The following NEDD4L variants were observed in gnomAD, a reference collection of about 807,000 sequenced individuals.
NEDD4L encodes the protein E3 ubiquitin-protein ligase NEDD4-like.
NEDD4L carries 54 observed loss-of-function variants against 148.9 expected under a neutral mutation model. That is an observed-to-expected ratio of 0.36 (90% CI 0.29 to 0.45). The LOEUF (loss-of-function observed/expected upper bound fraction) is 0.45, where lower values mean the gene tolerates loss of function less well. Among genes scored for constraint, NEDD4L ranks in the 20% least tolerant of loss-of-function variants. The probability of loss-of-function intolerance (pLI) is 1.00; values close to 1 mark genes in which losing one functional copy is unlikely to be tolerated. For synonymous variants in NEDD4L, 433 were observed against 440.7 expected (o/e 0.98, Z 0.22); for missense variants, 856 against 1,233.8 (o/e 0.69, Z 4.59).
intron 1 of NEDD4L, chr18:58,044,993 G>T (rs890734907): frequency 7.0e-6 from 3 of 427,816 alleles, no homozygotes; most frequent in Non-Finnish European, 8.3e-6. Context: ...GAGGGGGCAT[G>T]CGTGCCTCTC....
At chr18:58,045,121 C>A (rs963476812) in intron 1 of NEDD4L, 5 of 399,000 alleles carry the variant, frequency 1.3e-5, no homozygotes, top group Admixed American at 4.4e-5. Context: ...GCTGGAGACC[C>A]GGGACTGCGG....
intron 25 of NEDD4L, 41 bp downstream of exon 25, chr18:58,383,360 GA>G (rs1310731436): frequency 9.1e-7 from 1 of 1,103,450 alleles, no homozygotes. Context: ...TTGAATAATT[GA>G]AATGCATGTT....
At chr18:58,247,038 C>CA (rs1203340151) in intron 3 of NEDD4L, among the ~76,000 whole-genome samples, 5 of 151,498 alleles carry the variant, frequency 3.3e-5, no homozygotes, top group Middle Eastern at 3.4e-3. Flanking sequence ...GAACCTGTCT[C>CA]AAAAAAAACC....
intron 2 of NEDD4L, among the ~76,000 whole-genome samples, chr18:58,198,032 A>T (rs1466519798): frequency 6.6e-6 from 1 of 151,998 alleles, no homozygotes; most frequent in Admixed American, 6.6e-5. Context: ...TTCTGCTCAG[A>T]CACCCCTTGG....
chr18:58,393,870 G>A (rs1034107199), intron 30 of NEDD4L, among the ~76,000 whole-genome samples: 5 of 152,208 alleles, frequency 3.3e-5, no homozygotes, highest in African/African-American at 1.2e-4. Context: ...CTTTCATTAA[G>A]CTTTCCAATG....
chr18:58,062,539 A>G (rs2144715818), intron 1 of NEDD4L, among the ~76,000 whole-genome samples: 1 of 152,262 alleles, frequency 6.6e-6, no homozygotes, highest in East Asian at 1.9e-4. Context: ...AGAGCTTAAA[A>G]CTTAGCTGTT....
Position 58,256,187 on chromosome 18 carries a change from G to A in NEDD4L, c.297+4133G>A, listed in dbSNP as rs2148574452. 1 of 1,217,562 alleles carries A rather than the reference G, an allele frequency of 8.2e-7. No individual in the cohort carries two copies. Among genetic ancestry groups the A allele is most frequent in the East Asian group, 3.3e-5 (1 of 30,018 alleles). The allele number at this position is 1,217,562 out of a possible 1,614,324, so 75.4% of individuals were successfully genotyped here. On this transcript the variant is annotated intron_variant, in intron 5 of 30. Coordinates refer to ENST00000400345, the MANE Select transcript of NEDD4L (RefSeq NM_001144967.3). The surrounding 1 kb of genome is among the most constrained non-coding windows in gnomAD (Gnocchi z 5.2). ...GCGGTGCTCCGGCCCCGTGGACTGC[G>A]CGGAGGAGGCTGCCCCGGGCCTGCG...
chr18:58,310,672 C>A (rs963978328), intron 5 of NEDD4L, among the ~76,000 whole-genome samples: 2 of 152,176 alleles, frequency 1.3e-5, no homozygotes, highest in Non-Finnish European at 2.9e-5. Context: ...GCTCTGATTG[C>A]ATGATGGAAG....
In NEDD4L at chr18:58,256,072, G is replaced by C; in HGVS notation, c.297+4018G>C. On this transcript the variant is annotated intron_variant, in intron 5 of 30. Coordinates refer to ENST00000400345, the MANE Select transcript of NEDD4L (RefSeq NM_001144967.3). This position sits in a 1 kb window ranked among gnomAD's most constrained non-coding sequence, Gnocchi z 5.2. ...CCTCGCCCCAGAGTGGCTCCCGGGA[G>C]CCCTCGCCGAGGGACACCCCCGGGA... is the stretch of plus-strand genomic sequence containing the variant. 1 of 1,228,554 alleles carries C rather than the reference G, an allele frequency of 8.1e-7. No individual in the cohort carries two copies. The highest frequency in any genetic ancestry group is 1.0e-6 in the Non-Finnish European group (1 of 985,896). The allele number at this position is 1,228,554 out of a possible 1,614,324, so 76.1% of individuals were successfully genotyped here.
rs554315725 is a variant in NEDD4L, at chr18:58,115,087, G to A, written c.49-50701G>A. Among the ~76,000 whole-genome samples, 3 of 152,298 alleles carry A rather than the reference G, an allele frequency of 2.0e-5. No homozygotes were observed. The East Asian group carries it at 5.8e-4, about 29-fold the overall frequency. The stretch of plus-strand genomic sequence containing the variant: ...GGATTAGGACTCGCGCATCTTGGGG[G>A]ACCGTCATTCCACCTGCGGCAGTGG... On this transcript the variant is annotated intron_variant, in intron 1 of 30. Coordinates refer to ENST00000400345, the MANE Select transcript of NEDD4L (RefSeq NM_001144967.3).
chr18:58,294,533 A>G (rs200845860), intron 5 of NEDD4L, among the ~76,000 whole-genome samples: 1 of 151,900 alleles, frequency 6.6e-6, no homozygotes, highest in East Asian at 1.9e-4. Flanking sequence ...ACAAATAGTG[A>G]TTTTTCTTCC....
intron 1 of NEDD4L, among the ~76,000 whole-genome samples, chr18:58,165,439 T>C (rs2036727250): frequency 6.6e-6 from 1 of 152,254 alleles, no homozygotes; most frequent in Non-Finnish European, 1.5e-5. Flanking sequence ...TTATGCAAAC[T>C]TGTGGCACTT....
At chr18:58,314,378 C>G (rs1418004877) in intron 5 of NEDD4L, among the ~76,000 whole-genome samples, 1 of 149,624 alleles carries the variant, frequency 6.7e-6, no homozygotes, top group Non-Finnish European at 1.5e-5. Context: ...GATTGCACCA[C>G]TGTACTCCAG....
rs544064505 is a variant in NEDD4L, at chr18:58,202,026, G to A, written c.122+36165G>A. 4.6e-5 allele frequency among the ~76,000 whole-genome samples: 7 copies of A among 152,280 alleles called. No homozygotes were observed. The South Asian group carries it at 6.2e-4, about 14-fold the overall frequency. On this transcript the variant is annotated intron_variant, in intron 2 of 30. Transcript: ENST00000400345. ...TATGTCATTTGGTATTTTTGTCGAG[G>A]CATTCCAATAAAAATAAGTAAATTC... is the stretch of plus-strand genomic sequence containing the variant.
chr18:58,295,951 T>G (rs1294852872), intron 5 of NEDD4L, among the ~76,000 whole-genome samples: 1 of 152,158 alleles, frequency 6.6e-6, no homozygotes, highest in African/African-American at 2.4e-5. Context: ...AAACAGTATT[T>G]CATTTTTGAT....
chr18:58,318,624 G>A (rs936599785), intron 6 of NEDD4L, among the ~76,000 whole-genome samples: 1 of 152,228 alleles, frequency 6.6e-6, no homozygotes, highest in Non-Finnish European at 1.5e-5. Context: ...TTCAACTGCC[G>A]TTTTCACATT....
chr18:58,380,800 A>C (rs866314734), intron 24 of NEDD4L, among the ~76,000 whole-genome samples: 1 of 152,102 alleles, frequency 6.6e-6, no homozygotes, highest in South Asian at 2.1e-4. Context: ...TTTAACTCCC[A>C]CTTATGAGTG....
chr18:58,080,488 G>C (rs1295971400), intron 1 of NEDD4L, among the ~76,000 whole-genome samples: 1 of 152,214 alleles, frequency 6.6e-6, no homozygotes, highest in Non-Finnish European at 1.5e-5. Context: ...GGAAAGGTGA[G>C]AGGCTATATA....
At chr18:58,074,930 A>T (rs2083082756) in intron 1 of NEDD4L, among the ~76,000 whole-genome samples, 1 of 152,194 alleles carries the variant, frequency 6.6e-6, no homozygotes. Context: ...CAAAAGAGGC[A>T]TTGATAATTC....
Sources: gnomAD v4.1 joint callset for allele counts (sites outside exome capture counted in the v4.1 genomes callset) on GRCh38, gnomAD v4.1.1 for gene constraint, Gnocchi (gnomAD v3.1) non-coding constraint, MANE v1.5 for transcripts, NCBI Gene and HGNC (gene_info 2026-07-23, HGNC 2026-07-21) for gene names.